The following GNG12 variants were observed in gnomAD, a reference collection of about 807,000 sequenced individuals.
The protein encoded by GNG12 is G protein subunit gamma 12.
For missense variants in GNG12, 69 were observed against 83.8 expected (o/e 0.82, Z 0.69); for synonymous variants, 28 against 29.7 (o/e 0.94, Z 0.19).
intron 2 of GNG12, among the ~76,000 whole-genome samples, chr1:67,709,903 T>TA (rs1646273488): frequency 1.9e-5 from 2 of 103,628 alleles, no homozygotes; most frequent in Admixed American, 1.2e-4. Context: ...TATATATATT[T>TA]TTATATAGTT....
chr1:67,772,484 C>T (rs1272287463), intron 2 of GNG12: 1 of 152,306 alleles, frequency 6.6e-6, no homozygotes, highest in East Asian at 1.9e-4. Context: ...GATTCTGGTA[C>T]CTAGAAAATT....
chr1:67,770,585 C>T (rs1051451942), intron 2 of GNG12, among the ~76,000 whole-genome samples: 3 of 152,020 alleles, frequency 2.0e-5, no homozygotes, highest in Non-Finnish European at 1.5e-5. Flanking sequence ...GAGAGTCCGA[C>T]TGGAAACCAG....
chr1:67,725,893 T>C (rs1172965962), intron 2 of GNG12, among the ~76,000 whole-genome samples: 1 of 152,234 alleles, frequency 6.6e-6, no homozygotes, highest in Non-Finnish European at 1.5e-5. Context: ...ACTTTTAACA[T>C]ATGTGGTTGA....
intron 2 of GNG12, among the ~76,000 whole-genome samples, chr1:67,761,588 C>T (rs772236876): frequency 6.6e-6 from 1 of 152,104 alleles, no homozygotes; most frequent in East Asian, 1.9e-4. Context: ...ATTCTGGGTC[C>T]CTAGAAGTAT....
intron 2 of GNG12, among the ~76,000 whole-genome samples, chr1:67,770,233 A>C (rs1388524179): frequency 6.6e-6 from 1 of 152,208 alleles, no homozygotes; most frequent in Non-Finnish European, 1.5e-5. Context: ...GGATTCTGTG[A>C]GTAAGATTCT....
chr1:67,765,610 CTTATTCTTCTGCCTGTTT>C (rs1646631460), intron 2 of GNG12, among the ~76,000 whole-genome samples: 2 of 152,132 alleles, frequency 1.3e-5, no homozygotes, highest in Non-Finnish European at 1.5e-5. Flanking sequence ...TATTTCAACC[CTTATTCTTCTGCCTGTTT>C]TGCATTTTTC....
intron 2 of GNG12, among the ~76,000 whole-genome samples, chr1:67,760,041 A>T (rs1395240787): frequency 6.6e-6 from 1 of 152,254 alleles, no homozygotes; most frequent in African/African-American, 2.4e-5. Flanking sequence ...GTGGCAAGGA[A>T]CAGAAAAGCA....
At chr1:67,790,261 C>A (rs375995674) in intron 1 of GNG12, among the ~76,000 whole-genome samples, 1 of 152,136 alleles carries the variant, frequency 6.6e-6, no homozygotes, top group Non-Finnish European at 1.5e-5. Context: ...TTAGTTTGCA[C>A]CCCCGCCTCC....
chr1:67,811,952 A>G lies in GNG12; in HGVS notation c.-77+21392T>C, dbSNP rs190908410. 4.6e-5 allele frequency among the ~76,000 whole-genome samples: 7 copies of G among 152,346 alleles called. No homozygotes were observed. In the East Asian group the frequency reaches 1.4e-3, roughly 29 times the overall value. On this transcript the variant is annotated intron_variant, in intron 1 of 3. Transcript: ENST00000370982. ...AGTGCCAAGTATTCAAATGAAACTT[A>G]CATAGGCTGACAATAAGTAAAGGAG...
At chr1:67,806,293 C>A (rs1646894200) in intron 1 of GNG12, among the ~76,000 whole-genome samples, 1 of 152,070 alleles carries the variant, frequency 6.6e-6, no homozygotes, top group South Asian at 2.1e-4. Flanking sequence ...AAAATAGCAA[C>A]AATATATCCA....
At chr1:67,797,492 T>A (rs1004649993) in intron 1 of GNG12, among the ~76,000 whole-genome samples, 1 of 152,060 alleles carries the variant, frequency 6.6e-6, no homozygotes, top group Non-Finnish European at 1.5e-5. Flanking sequence ...AACCATAAAT[T>A]AAATCACCTG....
intron 2 of GNG12, among the ~76,000 whole-genome samples, chr1:67,716,186 GT>G (rs1423178008): frequency 1.3e-5 from 2 of 152,096 alleles, no homozygotes; most frequent in Non-Finnish European, 2.9e-5. Context: ...ACAAAGAGAA[GT>G]TTACATAGGT....
intron 2 of GNG12, among the ~76,000 whole-genome samples, chr1:67,766,142 A>C (rs1038839728): frequency 5.0e-5 from 7 of 140,694 alleles, no homozygotes; most frequent in Non-Finnish European, 9.1e-5. Flanking sequence ...ACACACACAC[A>C]CACACACCCC....
intron 3 of GNG12, among the ~76,000 whole-genome samples, chr1:67,707,315 G>A (rs1457872453): frequency 6.6e-6 from 1 of 152,152 alleles, no homozygotes; most frequent in Non-Finnish European, 1.5e-5. Flanking sequence ...TAGAACACAG[G>A]GATCAACGGA....
intron 2 of GNG12, among the ~76,000 whole-genome samples, chr1:67,767,352 T>C (rs906528348): frequency 6.6e-6 from 1 of 152,146 alleles, no homozygotes; most frequent in African/African-American, 2.4e-5. Context: ...GGACTGTCCA[T>C]TGCCTGGAGA....
chr1:67,721,730 C>A (rs1570485206), intron 2 of GNG12, among the ~76,000 whole-genome samples: 1 of 152,258 alleles, frequency 6.6e-6, no homozygotes, highest in East Asian at 1.9e-4. Flanking sequence ...AGAAAAGAGG[C>A]AGAATATTCC....
chr1:67,819,153 G>A (rs1646971710), intron 1 of GNG12, among the ~76,000 whole-genome samples: 1 of 152,140 alleles, frequency 6.6e-6, no homozygotes, highest in Non-Finnish European at 1.5e-5. Flanking sequence ...TTAGGAGGTG[G>A]ACCCAGGCTT....
chr1:67,785,652 A>T (rs1313196456), intron 1 of GNG12, among the ~76,000 whole-genome samples: 1 of 152,184 alleles, frequency 6.6e-6, no homozygotes, highest in South Asian at 2.1e-4. Flanking sequence ...GTTTTTTAAA[A>T]AATGTAATTA....
At chr1:67,816,796 T>C (rs1317412993) in intron 1 of GNG12, among the ~76,000 whole-genome samples, 1 of 152,174 alleles carries the variant, frequency 6.6e-6, no homozygotes, top group Non-Finnish European at 1.5e-5. Context: ...CTAGATTTAA[T>C]GAGGCAGCAC....
Sources: gnomAD v4.1 joint callset for allele counts (sites outside exome capture counted in the v4.1 genomes callset) on GRCh38, gnomAD v4.1.1 for gene constraint, MANE v1.5 for transcripts, NCBI Gene and HGNC (gene_info 2026-07-23, HGNC 2026-07-21) for gene names.